Variants in WWOX observed in about 807,000 individuals in gnomAD.
The protein encoded by WWOX is WW domain-containing oxidoreductase.
WWOX carries 69 observed loss-of-function variants against 46.2 expected under a neutral mutation model. The observed-to-expected ratio is 1.49, with a 90% CI of 1.23 to 1.82. WWOX has a LOEUF of 1.82. WWOX is among the 40% of genes most tolerant of loss of function. The pLI, the probability that WWOX is intolerant of heterozygous loss-of-function variation, is 0.00. For missense variants in WWOX, 919 were observed against 542.6 expected (o/e 1.69, Z -6.89); for synonymous variants, 359 against 202.6 (o/e 1.77, Z -6.56).
chr16:78,501,041 T>C (rs1422721795), intron 8 of WWOX, among the ~76,000 whole-genome samples: 1 of 152,140 alleles, frequency 6.6e-6, no homozygotes, highest in African/African-American at 2.4e-5. Context: ...GCTATTATTC[T>C]TAGGCATTTA....
chr16:78,389,082 C>G (rs754298760), intron 6 of WWOX, among the ~76,000 whole-genome samples: 1 of 152,196 alleles, frequency 6.6e-6, no homozygotes, highest in Non-Finnish European at 1.5e-5. Context: ...CGCCTAAGCG[C>G]AGACCCCAAG....
At chr16:78,240,618 C>G (rs1201953979) in intron 5 of WWOX, among the ~76,000 whole-genome samples, 2 of 152,162 alleles carry the variant, frequency 1.3e-5, no homozygotes, top group Non-Finnish European at 2.9e-5. Context: ...CCCGGAGGAA[C>G]TTCACAGGGT....
chr16:79,110,593 C>G (rs1271391785), intron 8 of WWOX: 1 of 152,276 alleles, frequency 6.6e-6, no homozygotes, highest in Non-Finnish European at 1.5e-5. Flanking sequence ...TCATTTCCCT[C>G]CACCTCCAAC....
chr16:78,245,422 C>T (rs967875893), intron 5 of WWOX, among the ~76,000 whole-genome samples: 2 of 152,250 alleles, frequency 1.3e-5, no homozygotes, highest in Admixed American at 6.5e-5. Flanking sequence ...ATTTCTAGGT[C>T]AAAGGTACAA....
chr16:78,419,884 AATTAAAT>A (rs1317451611), intron 6 of WWOX, among the ~76,000 whole-genome samples: 8 of 152,258 alleles, frequency 5.3e-5, no homozygotes, highest in Non-Finnish European at 8.8e-5. Flanking sequence ...AATACTTACA[AATTAAAT>A]ATTAAATAAG....
chr16:78,372,545 T>C (rs2081717596), intron 5 of WWOX, among the ~76,000 whole-genome samples: 1 of 152,134 alleles, frequency 6.6e-6, no homozygotes, highest in African/African-American at 2.4e-5. Flanking sequence ...TGAAATCTGC[T>C]CTCTGGAGGG....
intron 8 of WWOX, among the ~76,000 whole-genome samples, chr16:78,527,727 A>AGGCTCTTCTTTAGTTCAGG (rs71140807): frequency 6.6e-6 from 1 of 151,644 alleles, no homozygotes; most frequent in African/African-American, 2.4e-5. Flanking sequence ...CCTCATGAAC[A>AGGCTCTTCTTTAGTTCAGG]GGTTCTTGAT....
intron 8 of WWOX, among the ~76,000 whole-genome samples, chr16:79,179,301 C>T (rs73582795): frequency 6.6e-6 from 1 of 152,170 alleles, no homozygotes; most frequent in Non-Finnish European, 1.5e-5. Flanking sequence ...CAACATTTTT[C>T]CATTTTTATG....
intron 8 of WWOX, chr16:78,898,635 C>G (rs774961217): frequency 6.6e-6 from 1 of 152,058 alleles, no homozygotes. Flanking sequence ...ATCAGCTTCT[C>G]CATTTCTTTT....
chr16:78,346,977 G>T (rs934025634), intron 5 of WWOX, among the ~76,000 whole-genome samples: 1 of 118,994 alleles, frequency 8.4e-6, no homozygotes, highest in African/African-American at 2.9e-5. Context: ...TGCCTGCCTC[G>T]GCCTCCCAAA....
chr16:78,336,883 A>G (rs1365054876), intron 5 of WWOX, among the ~76,000 whole-genome samples: 2 of 152,056 alleles, frequency 1.3e-5, no homozygotes, highest in East Asian at 3.9e-4. Flanking sequence ...AGTTTAAGCC[A>G]TTCTCCTGCC....
intron 5 of WWOX, among the ~76,000 whole-genome samples, chr16:78,203,591 C>T (rs1164376922): frequency 6.6e-6 from 1 of 152,114 alleles, no homozygotes; most frequent in Non-Finnish European, 1.5e-5. Flanking sequence ...AAGACCGTAT[C>T]TCCGTCTGCA....
chr16:78,607,783 T>C (rs2045797715), intron 8 of WWOX, among the ~76,000 whole-genome samples: 1 of 152,022 alleles, frequency 6.6e-6, no homozygotes, highest in Non-Finnish European at 1.5e-5. Context: ...ATTTTCATAT[T>C]TGTCATTTCT....
intron 8 of WWOX, among the ~76,000 whole-genome samples, chr16:78,886,106 G>T (rs2044451384): frequency 1.3e-5 from 2 of 151,724 alleles, no homozygotes; most frequent in Non-Finnish European, 1.5e-5. Context: ...TGTATATTTA[G>T]TAGAGACGGG....
intron 8 of WWOX, among the ~76,000 whole-genome samples, chr16:79,150,033 C>G (rs1025645023): frequency 6.6e-6 from 1 of 152,194 alleles, no homozygotes; most frequent in Non-Finnish European, 1.5e-5. Context: ...AAATGCTTTT[C>G]TGGTCAAATA....
chr16:78,322,557 A>C (rs1468186635), intron 5 of WWOX, among the ~76,000 whole-genome samples: 2 of 152,214 alleles, frequency 1.3e-5, no homozygotes, highest in African/African-American at 4.8e-5. Flanking sequence ...TGCCCCTAGC[A>C]TCGTACAGTC....
intron 8 of WWOX, among the ~76,000 whole-genome samples, chr16:78,879,568 A>T (rs2044301007): frequency 6.6e-6 from 1 of 152,142 alleles, no homozygotes; most frequent in South Asian, 2.1e-4. Flanking sequence ...CCAAGAGGCA[A>T]CATTGTTTGT....
intron 8 of WWOX, among the ~76,000 whole-genome samples, chr16:78,783,158 T>G (rs530316786): frequency 1.3e-5 from 2 of 152,316 alleles, no homozygotes; most frequent in South Asian, 4.1e-4. Flanking sequence ...CTCCATCATT[T>G]ATAATGGCCC....
chr16:78,925,641 C>G (rs191942223), intron 8 of WWOX, among the ~76,000 whole-genome samples: 56 of 152,316 alleles, frequency 3.7e-4, no homozygotes, highest in Middle Eastern at 6.8e-3. Context: ...CTGTACAGAA[C>G]TCTTTTCCTC....
Sources: allele counts gnomAD v4.1 joint callset (sites outside exome capture counted in the v4.1 genomes callset), GRCh38; gene constraint gnomAD v4.1.1; transcripts MANE v1.5; gene names NCBI Gene and HGNC (gene_info 2026-07-23, HGNC 2026-07-21).